Variants in TNFAIP8 observed in about 807,000 individuals in gnomAD.
TNFAIP8 encodes the protein TNF alpha induced protein 8, also known as tumor necrosis factor alpha-induced protein 8.
A neutral mutation model predicts 13.3 loss-of-function variants in TNFAIP8; 7 were observed. That is an observed-to-expected ratio of 0.52 (90% CI 0.30 to 0.99). The LOEUF (loss-of-function observed/expected upper bound fraction) is 0.99, where lower values mean the gene tolerates loss of function less well. Among genes scored for constraint, TNFAIP8 ranks in the 50% least tolerant of loss-of-function variants. The pLI, the probability that TNFAIP8 is intolerant of heterozygous loss-of-function variation, is 0.07. For synonymous variants in TNFAIP8, 94 were observed against 87.6 expected, an observed-to-expected ratio of 1.07 and a Z score of -0.41; for missense variants, 258 against 236.9, an observed-to-expected ratio of 1.09 and a Z score of -0.58.
chr5:119,337,665 C>T (rs1200619997), intron 1 of TNFAIP8, among the ~76,000 whole-genome samples: 1 of 152,194 alleles, frequency 6.6e-6, no homozygotes, highest in Non-Finnish European at 1.5e-5. Context: ...GATATTAATG[C>T]GGGGCTGCCG....
chr5:119,359,399 C>A (rs925039810), intron 1 of TNFAIP8, among the ~76,000 whole-genome samples: 16 of 152,178 alleles, frequency 1.1e-4, no homozygotes, highest in African/African-American at 3.9e-4. Flanking sequence ...TGGCTCTCCC[C>A]ACACTGCTTA....
In TNFAIP8 at chr5:119,327,189, C is replaced by T. The variant is rs190523943; in HGVS notation, c.1+58282C>T. ...CCAGACCCCCATTGGGAATGATTTG[C>T]TGCCAGCCCTGTCGTTGAGTAAATT... is the stretch of plus-strand genomic sequence containing the variant. On this transcript the variant is annotated intron_variant, in intron 1 of 1. Transcript: ENST00000274456. Among the ~76,000 whole-genome samples the T allele has an allele frequency of 2.0e-3, 305 of 152,280 alleles. 1 individual carries two copies. The highest frequency in any genetic ancestry group is 7.0e-3 in the African/African-American group (292 of 41,538).
intron 1 of TNFAIP8, among the ~76,000 whole-genome samples, chr5:119,327,445 T>C (rs966601300): frequency 6.6e-6 from 1 of 152,126 alleles, no homozygotes; most frequent in Non-Finnish European, 1.5e-5. Flanking sequence ...AAAGGTTTTA[T>C]TGTTTTGGGT....
chr5:119,307,749 G>T (rs1378739794), intron 1 of TNFAIP8, among the ~76,000 whole-genome samples: 6 of 152,144 alleles, frequency 3.9e-5, no homozygotes, highest in African/African-American at 9.7e-5. Flanking sequence ...GGAAATGCAA[G>T]TGTATTTTAG....
intron 1 of TNFAIP8, among the ~76,000 whole-genome samples, chr5:119,349,469 T>C (rs1348917366): frequency 6.6e-6 from 1 of 152,178 alleles, no homozygotes; most frequent in Non-Finnish European, 1.5e-5. Flanking sequence ...AATGAAGAAA[T>C]AATGAATAGG....
intron 1 of TNFAIP8, among the ~76,000 whole-genome samples, chr5:119,382,377 G>A (rs769202941): frequency 6.6e-6 from 1 of 152,180 alleles, no homozygotes; most frequent in Non-Finnish European, 1.5e-5. Flanking sequence ...GAGGGATAGT[G>A]TTATTTATCT....
At chr5:119,296,832 A>T (rs529784447) in intron 1 of TNFAIP8, among the ~76,000 whole-genome samples, 1,531 of 152,006 alleles carry the variant, frequency 0.01, 16 homozygotes, top group African/African-American at 0.035. Flanking sequence ...CAGAGATTCA[A>T]CTTCTTCCTG....
chr5:119,276,423 G>T (rs1173321343), intron 1 of TNFAIP8, among the ~76,000 whole-genome samples: 1 of 152,102 alleles, frequency 6.6e-6, no homozygotes, highest in Non-Finnish European at 1.5e-5. Flanking sequence ...TGGCCTGTAA[G>T]TTCTGTTTTT....
At chr5:119,322,075 T>C (rs1255825828) in intron 1 of TNFAIP8, among the ~76,000 whole-genome samples, 1 of 152,040 alleles carries the variant, frequency 6.6e-6, no homozygotes, top group Non-Finnish European at 1.5e-5. Flanking sequence ...GTTCCTTGGC[T>C]CTCTCTCTAA....
chr5:119,379,333 C>T (rs1165456730), intron 1 of TNFAIP8, among the ~76,000 whole-genome samples: 1 of 152,154 alleles, frequency 6.6e-6, no homozygotes, highest in Non-Finnish European at 1.5e-5. Flanking sequence ...CTGTACCTTA[C>T]TTGTCAAGGA....
intron 1 of TNFAIP8, among the ~76,000 whole-genome samples, chr5:119,335,916 A>G (rs1581614914): frequency 6.6e-6 from 1 of 151,996 alleles, no homozygotes; most frequent in South Asian, 2.1e-4. Context: ...TGTGGTTGCA[A>G]TTGTGAGTGA....
At chr5:119,314,836 G>C (rs1749836437) in intron 1 of TNFAIP8, among the ~76,000 whole-genome samples, 1 of 152,212 alleles carries the variant, frequency 6.6e-6, no homozygotes, top group African/African-American at 2.4e-5. Flanking sequence ...ATTAAAGCAT[G>C]TATGGCGCAT....
At chr5:119,366,604 G>A (rs1344112345) in intron 1 of TNFAIP8, among the ~76,000 whole-genome samples, 3 of 152,220 alleles carry the variant, frequency 2.0e-5, no homozygotes, top group African/African-American at 7.2e-5. Flanking sequence ...TTTCAAAGCT[G>A]CCTGTGACAT....
intron 1 of TNFAIP8, among the ~76,000 whole-genome samples, chr5:119,276,127 CT>C (rs1365610051): frequency 7.4e-6 from 1 of 135,560 alleles, no homozygotes; most frequent in Non-Finnish European, 1.6e-5. Flanking sequence ...TTTTTTTTTT[CT>C]TTTTTTTGAG....
intron 1 of TNFAIP8, among the ~76,000 whole-genome samples, chr5:119,272,320 A>G (rs544413819): frequency 5.3e-5 from 8 of 152,346 alleles, no homozygotes; most frequent in Non-Finnish European, 1.2e-4. Context: ...AGCTCCTGCT[A>G]TGTGCCTGGT....
At chr5:119,328,377 A>AC in intron 1 of TNFAIP8, among the ~76,000 whole-genome samples, 1 of 152,348 alleles carries the variant, frequency 6.6e-6, no homozygotes, top group East Asian at 1.9e-4. Flanking sequence ...CATGGGTAAA[A>AC]CTACATAATG....
chr5:119,278,395 G>A (rs1014699089), intron 1 of TNFAIP8, among the ~76,000 whole-genome samples: 1,644 of 149,992 alleles, frequency 0.011, 35 homozygotes, highest in African/African-American at 0.038. Flanking sequence ...GTGTGTGTGT[G>A]TGTGTGTGTG....
intron 1 of TNFAIP8, among the ~76,000 whole-genome samples, chr5:119,270,621 A>G (rs1206286526): frequency 6.6e-6 from 1 of 152,222 alleles, no homozygotes; most frequent in East Asian, 1.9e-4. Context: ...TTTGTCCTCC[A>G]TACACATTAA....
intron 1 of TNFAIP8, among the ~76,000 whole-genome samples, chr5:119,381,913 C>G (rs962151763): frequency 3.9e-5 from 6 of 151,928 alleles, no homozygotes; most frequent in African/African-American, 1.5e-4. Context: ...GCCTGCAAGA[C>G]TCCGTCTCAA....
Sources: allele counts gnomAD v4.1 joint callset (sites outside exome capture counted in the v4.1 genomes callset), GRCh38; gene constraint gnomAD v4.1.1; transcripts MANE v1.5; gene names NCBI Gene and HGNC (gene_info 2026-07-23, HGNC 2026-07-21).